The following COL27A1 variants were observed in gnomAD, a reference collection of about 807,000 sequenced individuals.
COL27A1 encodes collagen alpha-1(XXVII) chain.
In COL27A1, 106 loss-of-function variants were observed where a neutral mutation model predicts 251.3. The ratio of observed to expected loss-of-function variants is 0.42; its 90% CI spans 0.36 to 0.50. The LOEUF (loss-of-function observed/expected upper bound fraction) is 0.50, where lower values mean the gene tolerates loss of function less well. COL27A1 is among the 20% of genes least tolerant of loss of function. COL27A1 has a pLI of 0.00. For synonymous variants in COL27A1, 1,000 were observed against 986.3 expected, an observed-to-expected ratio of 1.01 and a Z score of -0.26; for missense variants, 2,325 against 2,522.8, an observed-to-expected ratio of 0.92 and a Z score of 1.68.
At chr9:114,277,661 G>A (rs138615447) in intron 37 of COL27A1, among the ~76,000 whole-genome samples, 1 of 152,326 alleles carries the variant, frequency 6.6e-6, no homozygotes, top group East Asian at 1.9e-4. Flanking sequence ...GCTTCCCCCA[G>A]GCTTGACTCA....
intron 2 of COL27A1, among the ~76,000 whole-genome samples, chr9:114,164,740 A>G (rs1298276929): frequency 1.3e-5 from 2 of 152,240 alleles, no homozygotes; most frequent in Non-Finnish European, 2.9e-5. Flanking sequence ...GTATTTCATG[A>G]TAATAAGAGG....
Position 114,168,558 on chromosome 9 carries a change from C to T in COL27A1, c.1003C>T (p.Pro335Ser). 6.2e-7 allele frequency: 1 copy of T among 1,614,128 alleles called. No homozygotes were observed. The highest frequency in any genetic ancestry group is 8.5e-7 in the Non-Finnish European group (1 of 1,179,962). Reference protein sequence around the residue: ...AKLSASNALDPMLPASVGGST... With the variant: ...AKLSASNALDSMLPASVGGST... ...GCTGTCAGCCAGTAACGCACTTGAT[C>T]CCATGCTCCCAGCCTCTGTTGGCGG... is the stretch of plus-strand genomic sequence containing the variant. The change falls in exon 3 of 61, where the codon CCC becomes TCC. Residue 335 changes from proline (P) to serine (S), a missense_variant. Transcript: ENST00000356083.
chr9:114,271,667 C>T (rs1835156513), intron 36 of COL27A1: 1 of 152,458 alleles, frequency 6.6e-6, no homozygotes, highest in South Asian at 2.1e-4. Context: ...CAGTCCCTGG[C>T]CTCCGTCTTG....
chr9:114,161,141 G>A (rs1413180167), intron 1 of COL27A1, among the ~76,000 whole-genome samples: 2 of 150,578 alleles, frequency 1.3e-5, no homozygotes, highest in African/African-American at 2.4e-5. Context: ...CTATCCTCAC[G>A]TGCTCATGGG....
At position 114,292,300 on chromosome 9, in the gene COL27A1, T is replaced by TAC. The variant is rs546884882; in HGVS notation, c.4584+100_4584+101dup. The TAC allele has an allele frequency of 4.8e-4, 484 of 1,011,640 alleles. 3 individuals are homozygous for TAC. In the East Asian group the frequency reaches 0.012, roughly 25 times the overall value. The allele number at this position is 1,011,640 out of a possible 1,614,324, so 62.7% of individuals were successfully genotyped here. A position where few individuals can be genotyped will look rare whatever the true frequency, so the allele number is the denominator to read the frequency against. On this transcript the variant is annotated intron_variant, in intron 49 of 60. Coordinates refer to ENST00000356083, the MANE Select transcript of COL27A1 (RefSeq NM_032888.4). ...ACATGTACAAACACATGCACACTCA[T>TAC]ACACACACACAAACACACTGACCCA...
At chr9:114,188,165 G>A (rs1353978492) in intron 5 of COL27A1, among the ~76,000 whole-genome samples, 1 of 152,232 alleles carries the variant, frequency 6.6e-6, no homozygotes, top group African/African-American at 2.4e-5. Flanking sequence ...TAACGGTTCA[G>A]AGGCAATTCT....
rs1267180715 is a variant in COL27A1, at chr9:114,312,018, C to T, written c.*1323C>T. The T allele has an allele frequency of 6.6e-6, 1 of 152,156 alleles. No individual in the cohort carries two copies. Among genetic ancestry groups the T allele is most frequent in the East Asian group, 1.9e-4 (1 of 5,202 alleles). The allele number at this position is 152,156 out of a possible 1,614,324, so 9.4% of individuals were successfully genotyped here. On this transcript the variant is annotated 3_prime_UTR_variant, in exon 61 of 61. Transcript: ENST00000356083. ...GGAGACAGAATAATAATGGGAATCT[C>T]GGAGTTCGACACCATAGTGACGTTC...
chr9:114,300,704 CTGTCGGAGCAGAGATGAT>C lies in COL27A1; in HGVS notation c.4701+22_4701+39del, dbSNP rs753903266. 2.7e-6 allele frequency: 4 copies of C among 1,492,334 alleles called. No homozygotes were observed. Among genetic ancestry groups the C allele is most frequent in the Non-Finnish European group, 3.6e-6 (4 of 1,122,404 alleles). 92.4% of individuals were successfully genotyped at this position (1,492,334 alleles called of 1,614,324 possible). On this transcript the variant is annotated intron_variant, in intron 51 of 60. Coordinates refer to ENST00000356083, the MANE Select transcript of COL27A1 (RefSeq NM_032888.4). ...GGCTTGATGGTGAGTTCCCTCCCTG[CTGTCGGAGCAGAGATGAT>C]TGTCCTAGGCCCAAGGTTGGCCAGC...
intron 4 of COL27A1, among the ~76,000 whole-genome samples, chr9:114,179,112 G>GGCTGAATCAGCCTTTCCCAC: frequency 6.6e-6 from 1 of 152,324 alleles, no homozygotes; most frequent in Admixed American, 6.5e-5. Context: ...TCTGTGCCCA[G>GGCTGAATCAGCCTTTCCCAC]GCTGAATCAG....
intron 59 of COL27A1, among the ~76,000 whole-genome samples, chr9:114,308,473 G>A (rs1279505029): frequency 3.3e-5 from 5 of 152,234 alleles, no homozygotes; most frequent in Non-Finnish European, 7.3e-5. Context: ...CTCTAGGAGA[G>A]GCAGCCAGCC....
At chr9:114,285,564 C>T (rs1827414419) in intron 41 of COL27A1, among the ~76,000 whole-genome samples, 1 of 152,166 alleles carries the variant, frequency 6.6e-6, no homozygotes, top group Non-Finnish European at 1.5e-5. Flanking sequence ...CTTTCTTTTG[C>T]TGAGTCAGCT....
chr9:114,284,154 G>A (rs1233373165), intron 40 of COL27A1, among the ~76,000 whole-genome samples: 47 of 152,278 alleles, frequency 3.1e-4, no homozygotes. Flanking sequence ...AGAGAGATAT[G>A]GTGCCTACTC....
At chr9:114,172,903 T>C (rs1849422042) in intron 3 of COL27A1, among the ~76,000 whole-genome samples, 1 of 152,296 alleles carries the variant, frequency 6.6e-6, no homozygotes, top group Non-Finnish European at 1.5e-5. Flanking sequence ...TCCACTGAAA[T>C]AGGGTGTTGG....
At chr9:114,174,681 T>C (rs1849559179) in intron 3 of COL27A1, among the ~76,000 whole-genome samples, 1 of 152,158 alleles carries the variant, frequency 6.6e-6, no homozygotes, top group African/African-American at 2.4e-5. Context: ...ATATGGGTAT[T>C]ACATTCCCAT....
chr9:114,258,950 C>T (rs540525478), intron 28 of COL27A1, among the ~76,000 whole-genome samples: 13 of 152,360 alleles, frequency 8.5e-5, no homozygotes, highest in East Asian at 1.9e-4. Context: ...ATAACCCCTG[C>T]CTGCCCTTGT....
intron 12 of COL27A1, among the ~76,000 whole-genome samples, chr9:114,214,771 C>A (rs186694260): frequency 6.6e-6 from 1 of 152,236 alleles, no homozygotes; most frequent in African/African-American, 2.4e-5. Context: ...CCTCCTCATA[C>A]CTCCTGCTAA....
Position 114,240,534 on chromosome 9 carries a change from G to T in COL27A1, c.2835+47G>T, listed in dbSNP as rs201630283. ...CACTGCCCATCCTGGCCTGATTGCA[G>T]CCCCCAGCCTGCCCTGTCCTGGGTA... On this transcript the variant is annotated intron_variant, in intron 21 of 60. Coordinates refer to ENST00000356083, the MANE Select transcript of COL27A1 (RefSeq NM_032888.4). 3.2e-6 allele frequency: 5 copies of T among 1,562,416 alleles called. No homozygotes were observed. The East Asian group carries it at 9.0e-5, about 28-fold the overall frequency.
intron 24 of COL27A1, among the ~76,000 whole-genome samples, chr9:114,248,234 C>T (rs908993667): frequency 3.9e-5 from 6 of 152,146 alleles, no homozygotes; most frequent in African/African-American, 7.2e-5. Flanking sequence ...AGGCCCTGGC[C>T]GAGGTGCTGG....
At position 114,169,431 on chromosome 9, in the gene COL27A1, C is replaced by A. The variant is rs778718772; in HGVS notation, c.1876C>A (p.Pro626Thr). The A allele has an allele frequency of 4.5e-5, 71 of 1,562,932 alleles. No individual in the cohort carries two copies. The highest frequency in any genetic ancestry group is 5.6e-5 in the Non-Finnish European group (65 of 1,156,132). ...TACGCCTTTCCCTCTGCTGATGGGG[C>A]CTCCGGGACCCAAGGGAGACTGTGG... is the stretch of plus-strand genomic sequence containing the variant. Reference protein sequence around the residue: ...GSTPFPLLMGPPGPKGDCGLP... With the variant: ...GSTPFPLLMGTPGPKGDCGLP... Residue 626 changes from proline to threonine, a missense_variant, in exon 3 of 61, where the codon CCT becomes ACT. Coordinates refer to ENST00000356083, the MANE Select transcript of COL27A1 (RefSeq NM_032888.4).
Sources: allele counts gnomAD v4.1 joint callset (sites outside exome capture counted in the v4.1 genomes callset), GRCh38; gene constraint gnomAD v4.1.1; transcripts MANE v1.5; gene names NCBI Gene and HGNC (gene_info 2026-07-23, HGNC 2026-07-21).